FNBP1L: variants seen among roughly 807,000 people sequenced by gnomAD.
FNBP1L encodes formin-binding protein 1-like.
Under a neutral mutation model 91.2 loss-of-function variants are expected in FNBP1L, and 36 were observed. The observed-to-expected ratio is 0.39, with a 90% CI of 0.30 to 0.52. FNBP1L has a LOEUF of 0.52. Ranked by LOEUF, FNBP1L falls within the 20% of genes least tolerant of loss-of-function variation. FNBP1L has a pLI of 0.66. For missense variants in FNBP1L, 571 were observed against 732.1 expected (o/e 0.78, Z 2.54); for synonymous variants, 242 against 237.0 (o/e 1.02, Z -0.19).
At chr1:93,538,058 C>T (rs572580378) in intron 10 of FNBP1L, among the ~76,000 whole-genome samples, 6 of 152,044 alleles carry the variant, frequency 3.9e-5, no homozygotes, top group East Asian at 1.9e-4. Context: ...GTAGTAGTCA[C>T]GTTTTTGTAA....
chr1:93,523,717 TG>T (rs1432757407), intron 4 of FNBP1L, among the ~76,000 whole-genome samples: 1 of 152,258 alleles, frequency 6.6e-6, no homozygotes, highest in African/African-American at 2.4e-5. Context: ...TGCTTGGTTT[TG>T]TTTGCTAGTT....
At chr1:93,521,944 T>C in intron 2 of FNBP1L, 138 bp from the exon 3 acceptor site, 1 of 394,658 alleles carries the variant, frequency 2.5e-6, no homozygotes, top group South Asian at 9.5e-5. Flanking sequence ...ATGATGCTAA[T>C]GGAGTAGAGA....
intron 1 of FNBP1L, among the ~76,000 whole-genome samples, chr1:93,490,061 A>G (rs774038499): frequency 7.9e-5 from 12 of 152,214 alleles, no homozygotes; most frequent in Non-Finnish European, 1.8e-4. Context: ...TTTTTTACCA[A>G]AAAGTACTTT....
chr1:93,512,826 A>T (rs1425105243), intron 2 of FNBP1L, among the ~76,000 whole-genome samples: 1 of 152,144 alleles, frequency 6.6e-6, no homozygotes, highest in Non-Finnish European at 1.5e-5. Context: ...AGCAGGAAAG[A>T]TCCAAAATTG....
chr1:93,497,549 A>G (rs1317561409), intron 1 of FNBP1L, among the ~76,000 whole-genome samples: 1 of 152,190 alleles, frequency 6.6e-6, no homozygotes, highest in African/African-American at 2.4e-5. Flanking sequence ...CTTTACCATT[A>G]AGTGTTCAAC....
At chr1:93,536,599 A>T (rs1671859263) in intron 10 of FNBP1L, 109 bp downstream of exon 10, 2 of 983,408 alleles carry the variant, frequency 2.0e-6, no homozygotes, top group Admixed American at 3.7e-5. Context: ...TACACAGTTT[A>T]AAAACACCAC....
chr1:93,467,608 T>C (rs190094985), intron 1 of FNBP1L, among the ~76,000 whole-genome samples: 19 of 152,272 alleles, frequency 1.2e-4, no homozygotes, highest in African/African-American at 4.6e-4. Context: ...ACCACTGAAC[T>C]GTACACTTAA....
chr1:93,467,425 C>T (rs1481611143), intron 1 of FNBP1L, among the ~76,000 whole-genome samples: 1 of 152,070 alleles, frequency 6.6e-6, no homozygotes, highest in Non-Finnish European at 1.5e-5. Flanking sequence ...CATGAGGTAC[C>T]TATAGTAGTC....
intron 1 of FNBP1L, among the ~76,000 whole-genome samples, chr1:93,481,981 G>A (rs904429180): frequency 2.6e-5 from 4 of 151,988 alleles, no homozygotes; most frequent in Admixed American, 6.6e-5. Context: ...GCAACATGGC[G>A]AAACCCCATC....
At chr1:93,508,259 A>G (rs1670702303) in intron 2 of FNBP1L, among the ~76,000 whole-genome samples, 1 of 151,962 alleles carries the variant, frequency 6.6e-6, no homozygotes, top group African/African-American at 2.4e-5. Context: ...CTGAGGTGGG[A>G]GGATTGCTTG....
intron 1 of FNBP1L, among the ~76,000 whole-genome samples, chr1:93,498,455 G>A (rs1670338712): frequency 1.3e-5 from 2 of 152,198 alleles, no homozygotes; most frequent in South Asian, 4.1e-4. Flanking sequence ...GAAGAATAGA[G>A]TGGTAACTTG....
At chr1:93,541,703 C>T (rs1672052392) in intron 11 of FNBP1L, among the ~76,000 whole-genome samples, 1 of 152,030 alleles carries the variant, frequency 6.6e-6, no homozygotes, top group African/African-American at 2.4e-5. Context: ...GTATAGGAAG[C>T]TACTGGAAAA....
intron 1 of FNBP1L, among the ~76,000 whole-genome samples, chr1:93,450,807 T>C (rs1344253442): frequency 6.6e-6 from 1 of 152,232 alleles, no homozygotes; most frequent in Non-Finnish European, 1.5e-5. Flanking sequence ...AACCTGAGTC[T>C]GTTTCTTGTA....
At chr1:93,504,752 A>G (rs1415010358) in intron 2 of FNBP1L, among the ~76,000 whole-genome samples, 2 of 152,136 alleles carry the variant, frequency 1.3e-5, no homozygotes, top group East Asian at 1.9e-4. Flanking sequence ...AGAAATGTCT[A>G]TTCAAGTCAG....
chr1:93,530,757 CA>C lies in FNBP1L; in HGVS notation c.516del (p.Lys172AsnfsTer4). The C allele has an allele frequency of 6.3e-7, 1 of 1,596,034 alleles. No individual in the cohort carries two copies. Among genetic ancestry groups the C allele is most frequent in the Non-Finnish European group, 8.5e-7 (1 of 1,171,262 alleles). ...AATTTCGACCATTTTGCCCCTAGGC[CA>C]AACAGCAGTTGAATCTGCGTACGCA... is the stretch of plus-strand genomic sequence containing the variant. ...NATKADVEKA[K>X]QQLNLRTHMA... On this transcript the variant is annotated frameshift_variant, in exon 7 of 17. Coordinates refer to ENST00000271234, the MANE Select transcript of FNBP1L (RefSeq NM_001164473.3). LOFTEE classifies it high-confidence loss of function.
Position 93,511,368 on chromosome 1 carries a change from G to A in FNBP1L, c.141-10714G>A, listed in dbSNP as rs1182771462. Among the ~76,000 whole-genome samples, 6 of 152,228 alleles carry A rather than the reference G, an allele frequency of 3.9e-5. No individual in the cohort carries two copies. In the South Asian group the frequency reaches 1.0e-3, roughly 26 times the overall value. ...TCCAGCCAAACTAAGCTTCATAAGT[G>A]AAGGAGAAATAAAATCCTTTACAGA... is the stretch of plus-strand genomic sequence containing the variant. On this transcript the variant is annotated intron_variant, in intron 2 of 16. Coordinates refer to ENST00000271234, the MANE Select transcript of FNBP1L (RefSeq NM_001164473.3).
intron 2 of FNBP1L, among the ~76,000 whole-genome samples, chr1:93,508,623 A>G (rs1670712865): frequency 6.6e-6 from 1 of 152,180 alleles, no homozygotes; most frequent in Non-Finnish European, 1.5e-5. Context: ...TGTTCAAAAT[A>G]CAGTTATTTT....
chr1:93,455,956 G>A (rs1668643357), intron 1 of FNBP1L, among the ~76,000 whole-genome samples: 1 of 152,188 alleles, frequency 6.6e-6, no homozygotes, highest in Non-Finnish European at 1.5e-5. Context: ...ACTATAGGGG[G>A]ATGCCGTCGG....
intron 1 of FNBP1L, among the ~76,000 whole-genome samples, chr1:93,494,740 A>G (rs1457255235): frequency 6.6e-6 from 1 of 152,328 alleles, no homozygotes; most frequent in African/African-American, 2.4e-5. Flanking sequence ...AAAGACATCC[A>G]AGACTGGATA....
Sources: gnomAD v4.1 joint callset for allele counts (sites outside exome capture counted in the v4.1 genomes callset) on GRCh38, gnomAD v4.1.1 for gene constraint, MANE v1.5 for transcripts, NCBI Gene and HGNC (gene_info 2026-07-23, HGNC 2026-07-21) for gene names.